RAI14: variants seen among roughly 807,000 people sequenced by gnomAD.
RAI14 encodes the protein ankycorbin.
Under a neutral mutation model 115.4 loss-of-function variants are expected in RAI14, and 45 were observed. The ratio of observed to expected loss-of-function variants is 0.39; its 90% confidence interval spans 0.31 to 0.50. RAI14 has a LOEUF of 0.50. Ranked by LOEUF, RAI14 falls within the 20% of genes least tolerant of loss-of-function variation. The probability of loss-of-function intolerance (pLI) is 0.85; values close to 1 mark genes in which losing one functional copy is unlikely to be tolerated. For missense variants in RAI14, 939 were observed against 1,131.2 expected, an observed-to-expected ratio of 0.83 and a Z score of 2.44; for synonymous variants, 371 against 415.4, an observed-to-expected ratio of 0.89 and a Z score of 1.30.
chr5:34,701,265 C>T (rs34862448), intron 2 of RAI14, among the ~76,000 whole-genome samples: 35,062 of 152,066 alleles, frequency 0.23, 4,904 homozygotes, highest in Middle Eastern at 0.32. Flanking sequence ...AAATATTTTA[C>T]CCTAAAATAT....
chr5:34,715,615 CCT>C (rs1300818318), intron 2 of RAI14, among the ~76,000 whole-genome samples: 1 of 152,180 alleles, frequency 6.6e-6, no homozygotes, highest in Non-Finnish European at 1.5e-5. Flanking sequence ...TTTCCTGACA[CCT>C]CCCACCCCTC....
chr5:34,740,130 A>G (rs1191395813), intron 2 of RAI14, among the ~76,000 whole-genome samples: 1 of 152,240 alleles, frequency 6.6e-6, no homozygotes, highest in Non-Finnish European at 1.5e-5. Context: ...ACACCAAGTG[A>G]CTTTCAGTAA....
chr5:34,733,282 T>A (rs1404020870), intron 2 of RAI14: 2 of 152,184 alleles, frequency 1.3e-5, no homozygotes, highest in Non-Finnish European at 2.9e-5. Flanking sequence ...AGGTGCTCAA[T>A]GAATACTGCT....
intron 1 of RAI14, among the ~76,000 whole-genome samples, chr5:34,666,026 G>T (rs756504775): frequency 6.6e-6 from 1 of 152,194 alleles, no homozygotes; most frequent in Non-Finnish European, 1.5e-5. Context: ...TTTGTAATAT[G>T]ACTATTTCAC....
At chr5:34,708,133 G>GATATAATTTA (rs1055491833) in intron 2 of RAI14, among the ~76,000 whole-genome samples, 6 of 151,592 alleles carry the variant, frequency 4.0e-5, no homozygotes, top group African/African-American at 1.5e-4. Flanking sequence ...TAAATATAAA[G>GATATAATTTA]ATATAATTTA....
chr5:34,732,746 C>T (rs1314645444), intron 2 of RAI14, among the ~76,000 whole-genome samples: 1 of 147,630 alleles, frequency 6.8e-6, no homozygotes, highest in African/African-American at 2.5e-5. Flanking sequence ...ATTTAAAAGT[C>T]ATATATATGT....
chr5:34,762,943 G>GCA, intron 3 of RAI14, among the ~76,000 whole-genome samples: 1 of 119,718 alleles, frequency 8.4e-6, no homozygotes, highest in African/African-American at 2.9e-5. Context: ...GTGTGTGTGT[G>GCA]TGTGTGTGTG....
intron 12 of RAI14, among the ~76,000 whole-genome samples, chr5:34,815,849 G>A (rs1277110612): frequency 1.3e-5 from 2 of 152,206 alleles, no homozygotes; most frequent in Middle Eastern, 6.8e-3. Flanking sequence ...TAGCTCCATG[G>A]CCTTTTCACA....
chr5:34,719,373 C>T (rs912595726), intron 2 of RAI14, among the ~76,000 whole-genome samples: 3 of 152,180 alleles, frequency 2.0e-5, no homozygotes, highest in South Asian at 4.1e-4. Context: ...CATACAGCAT[C>T]GCTTCTGCCA....
At chr5:34,669,049 G>T (rs1743430811) in intron 1 of RAI14, among the ~76,000 whole-genome samples, 1 of 152,094 alleles carries the variant, frequency 6.6e-6, no homozygotes, top group Non-Finnish European at 1.5e-5. Context: ...TAGAGACGGG[G>T]TTTCACTATG....
intron 3 of RAI14, among the ~76,000 whole-genome samples, chr5:34,761,424 C>G (rs969092765): frequency 6.6e-6 from 1 of 152,150 alleles, no homozygotes; most frequent in Non-Finnish European, 1.5e-5. Context: ...AGTGATCCTC[C>G]CATGTCAGCT....
intron 3 of RAI14, among the ~76,000 whole-genome samples, chr5:34,790,939 G>C (rs1386386603): frequency 1.3e-5 from 2 of 151,948 alleles, no homozygotes; most frequent in Non-Finnish European, 2.9e-5. Context: ...TAATATGTCA[G>C]TGACTCTGAT....
At chr5:34,663,240 G>T (rs976637173) in intron 1 of RAI14, among the ~76,000 whole-genome samples, 2 of 152,138 alleles carry the variant, frequency 1.3e-5, no homozygotes, top group Non-Finnish European at 1.5e-5. Flanking sequence ...TTTTGGCCAG[G>T]CATGGTGGTT....
At chr5:34,761,941 A>G (rs897687412) in intron 3 of RAI14, among the ~76,000 whole-genome samples, 1 of 152,118 alleles carries the variant, frequency 6.6e-6, no homozygotes, top group Non-Finnish European at 1.5e-5. Flanking sequence ...ATTCTATTAT[A>G]TCAAATGAAC....
intron 1 of RAI14, among the ~76,000 whole-genome samples, chr5:34,679,304 C>A (rs555681625): frequency 2.6e-5 from 4 of 152,198 alleles, no homozygotes; most frequent in African/African-American, 9.7e-5. Flanking sequence ...GTGTTTCCAG[C>A]GTAACCGTAG....
At chr5:34,801,135 T>C (rs1438760764) in intron 4 of RAI14, among the ~76,000 whole-genome samples, 2 of 152,188 alleles carry the variant, frequency 1.3e-5, no homozygotes, top group Non-Finnish European at 2.9e-5. Flanking sequence ...AAAATCTTTG[T>C]CTTCTTACTT....
At chr5:34,814,727 C>T (rs945663312) in intron 12 of RAI14, 58 bp downstream of exon 12, 2 of 1,332,446 alleles carry the variant, frequency 1.5e-6, no homozygotes, top group Middle Eastern at 1.8e-4. Flanking sequence ...GATAGACTTG[C>T]TTTAAGTTAT....
At chr5:34,829,192 T>C (rs1226024264) in intron 16 of RAI14, among the ~76,000 whole-genome samples, 1 of 151,038 alleles carries the variant, frequency 6.6e-6, no homozygotes. Context: ...CACACACATA[T>C]ATATATATAT....
At chr5:34,691,118 A>AG (rs1738536998) in intron 2 of RAI14, among the ~76,000 whole-genome samples, 1 of 152,042 alleles carries the variant, frequency 6.6e-6, no homozygotes, top group African/African-American at 2.4e-5. Context: ...GCAGGCCTTG[A>AG]GGGATAGGTA....
Sources: allele counts gnomAD v4.1 joint callset (sites outside exome capture counted in the v4.1 genomes callset), GRCh38; gene constraint gnomAD v4.1.1; transcripts MANE v1.5; gene names NCBI Gene and HGNC (gene_info 2026-07-23, HGNC 2026-07-21).